The following CSMD3 variants were observed in gnomAD, a reference collection of about 807,000 sequenced individuals.
The protein encoded by CSMD3 is CUB and Sushi multiple domains 3, also known as CUB and sushi domain-containing protein 3.
In CSMD3, 177 loss-of-function variants were observed where a neutral mutation model predicts 435.2. The observed-to-expected ratio is 0.41, with a 90% CI of 0.36 to 0.46. The LOEUF is 0.46. CSMD3 is among the 20% of genes least tolerant of loss of function. The probability of loss-of-function intolerance (pLI) is 0.34; values close to 1 mark genes in which losing one functional copy is unlikely to be tolerated. For missense variants in CSMD3, 4,265 were observed against 4,504.6 expected (o/e 0.95, Z 1.52); for synonymous variants, 1,656 against 1,520.5 (o/e 1.09, Z -2.07).
At chr8:112,917,008 C>A (rs1433434113) in intron 10 of CSMD3, among the ~76,000 whole-genome samples, 7 of 151,794 alleles carry the variant, frequency 4.6e-5, no homozygotes, top group African/African-American at 7.3e-5. Flanking sequence ...TACGTTTGAC[C>A]AGTAGTTGTC....
intron 10 of CSMD3, among the ~76,000 whole-genome samples, chr8:112,865,006 C>G (rs2080936537): frequency 6.6e-6 from 1 of 152,080 alleles, no homozygotes; most frequent in Admixed American, 6.5e-5. Flanking sequence ...TAAAATGAAC[C>G]AATACCTGCA....
intron 1 of CSMD3, among the ~76,000 whole-genome samples, chr8:113,362,842 G>A (rs760129593): frequency 2.0e-5 from 3 of 152,138 alleles, no homozygotes; most frequent in Non-Finnish European, 4.4e-5. Context: ...TTGGGATTTA[G>A]TTACCCTATT....
At chr8:112,918,392 C>T (rs921277807) in intron 10 of CSMD3, among the ~76,000 whole-genome samples, 3 of 151,710 alleles carry the variant, frequency 2.0e-5, no homozygotes, top group African/African-American at 4.8e-5. Flanking sequence ...TGTAACTTAA[C>T]GGACTTTGAT....
At chr8:113,346,450 A>G (rs867826490) in intron 1 of CSMD3, among the ~76,000 whole-genome samples, 5 of 152,164 alleles carry the variant, frequency 3.3e-5, no homozygotes, top group Admixed American at 6.6e-5. Flanking sequence ...ATTCTTTGTC[A>G]TAATTCAAAT....
At chr8:112,568,466 G>T (rs1829242005) in intron 24 of CSMD3, among the ~76,000 whole-genome samples, 1 of 151,610 alleles carries the variant, frequency 6.6e-6, no homozygotes, top group Non-Finnish European at 1.5e-5. Flanking sequence ...ATGGTGGTGG[G>T]CGCCTGTAAT....
At chr8:112,426,278 A>C (rs1026283611) in intron 32 of CSMD3, among the ~76,000 whole-genome samples, 1 of 152,114 alleles carries the variant, frequency 6.6e-6, no homozygotes, top group Non-Finnish European at 1.5e-5. Context: ...TTTTTTAAGC[A>C]CATTTTAATA....
intron 1 of CSMD3, among the ~76,000 whole-genome samples, chr8:113,370,792 G>A (rs1481230569): frequency 6.6e-6 from 1 of 151,738 alleles, no homozygotes; most frequent in African/African-American, 2.4e-5. Flanking sequence ...CTATTCTCAG[G>A]TCTTCTCTAA....
At chr8:112,409,509 A>T (rs2130088532) in intron 32 of CSMD3, among the ~76,000 whole-genome samples, 1 of 152,072 alleles carries the variant, frequency 6.6e-6, no homozygotes, top group East Asian at 1.9e-4. Flanking sequence ...TAATAATTTC[A>T]TTAGAAAAAG....
chr8:113,297,099 T>C (rs2093728471), intron 2 of CSMD3, among the ~76,000 whole-genome samples: 1 of 152,124 alleles, frequency 6.6e-6, no homozygotes, highest in African/African-American at 2.4e-5. Flanking sequence ...TTTGTTAAAA[T>C]ATTGTGTTAT....
chr8:112,556,387 G>C (rs1828119915), intron 25 of CSMD3, among the ~76,000 whole-genome samples: 1 of 151,852 alleles, frequency 6.6e-6, no homozygotes, highest in East Asian at 1.9e-4. Context: ...AATCCACCTT[G>C]ATTCCACAAT....
intron 13 of CSMD3, among the ~76,000 whole-genome samples, chr8:112,746,699 C>A (rs1015773735): frequency 2.0e-5 from 3 of 151,880 alleles, no homozygotes; most frequent in Non-Finnish European, 4.4e-5. Flanking sequence ...CATTCTACTG[C>A]CTTAGGGTCT....
At chr8:113,036,929 A>G (rs2087379765) in intron 5 of CSMD3, among the ~76,000 whole-genome samples, 1 of 152,100 alleles carries the variant, frequency 6.6e-6, no homozygotes, top group Admixed American at 6.6e-5. Context: ...TGAACTATGC[A>G]TATATTTTGC....
chr8:112,542,207 GAA>G (rs34574338), intron 27 of CSMD3, among the ~76,000 whole-genome samples: 1 of 141,982 alleles, frequency 7.0e-6, no homozygotes, highest in Admixed American at 7.0e-5. Context: ...ATACTGTCTG[GAA>G]AAAAAAAAAA....
chr8:112,763,087 ATATAT>A (rs2077883993), intron 13 of CSMD3, among the ~76,000 whole-genome samples: 1 of 151,806 alleles, frequency 6.6e-6, no homozygotes, highest in African/African-American at 2.4e-5. Context: ...GAGGTAACAT[ATATAT>A]TAATTACCTA....
chr8:112,338,593 A>G (rs1586811644), intron 42 of CSMD3, among the ~76,000 whole-genome samples: 1 of 152,164 alleles, frequency 6.6e-6, no homozygotes, highest in African/African-American at 2.4e-5. Flanking sequence ...TTAAAATTTT[A>G]TATTCCTCAA....
chr8:113,224,254 G>A (rs188802996), intron 3 of CSMD3, among the ~76,000 whole-genome samples: 20 of 151,058 alleles, frequency 1.3e-4, no homozygotes, highest in African/African-American at 4.6e-4. Flanking sequence ...ATTCCTCTTT[G>A]GTTGATTTTT....
At chr8:112,587,379 A>G in intron 22 of CSMD3, 144 bp from the exon 23 acceptor site, 1 of 634,494 alleles carries the variant, frequency 1.6e-6, no homozygotes, top group East Asian at 2.8e-5. Context: ...TATGTTGTAA[A>G]TGATTAATTC....
chr8:113,434,855 C>T (rs1452798850), intron 1 of CSMD3, among the ~76,000 whole-genome samples: 1 of 152,188 alleles, frequency 6.6e-6, no homozygotes, highest in Non-Finnish European at 1.5e-5. Context: ...CTGTAATGCT[C>T]GCCCCGCTTC....
intron 41 of CSMD3, among the ~76,000 whole-genome samples, chr8:112,345,374 T>C (rs117949615): frequency 6.6e-6 from 1 of 152,220 alleles, no homozygotes; most frequent in Non-Finnish European, 1.5e-5. Flanking sequence ...AAAGAAAATA[T>C]AGTATACATA....
Sources: allele counts gnomAD v4.1 joint callset (sites outside exome capture counted in the v4.1 genomes callset), GRCh38; gene constraint gnomAD v4.1.1; transcripts MANE v1.5; gene names NCBI Gene and HGNC (gene_info 2026-07-23, HGNC 2026-07-21).